Variants in ADGRV1 observed in about 807,000 individuals in gnomAD.
ADGRV1 encodes adhesion G protein-coupled receptor V1, also known as G-protein coupled receptor 98.
Under a neutral mutation model 596.2 loss-of-function variants are expected in ADGRV1, and 359 were observed. The observed-to-expected ratio is 0.60, with a 90% CI of 0.55 to 0.66. ADGRV1 has a LOEUF of 0.66. Ranked by LOEUF, ADGRV1 falls within the 30% of genes least tolerant of loss-of-function variation. The pLI is 0.00. For synonymous variants in ADGRV1, 2,681 were observed against 2,679.2 expected, an observed-to-expected ratio of 1.00 and a Z score of -0.02; for missense variants, 7,274 against 7,575.6, an observed-to-expected ratio of 0.96 and a Z score of 1.48.
At chr5:90,868,597 A>T (rs780063970) in intron 83 of ADGRV1, among the ~76,000 whole-genome samples, 3 of 151,686 alleles carry the variant, frequency 2.0e-5, no homozygotes, top group Non-Finnish European at 4.4e-5. Context: ...CTTTTCTACC[A>T]AGATCCTGTA....
intron 1 of ADGRV1, among the ~76,000 whole-genome samples, chr5:90,594,668 T>C (rs250371): frequency 0.18 from 26,799 of 148,244 alleles, 2,581 homozygotes; most frequent in East Asian, 0.4. Flanking sequence ...TACTTGAGAT[T>C]AGGGAGTGGT....
At chr5:90,758,561 CA>C (rs1328095906) in intron 57 of ADGRV1, among the ~76,000 whole-genome samples, 2 of 152,122 alleles carry the variant, frequency 1.3e-5, no homozygotes, top group East Asian at 1.9e-4. Context: ...TTCTACAGCA[CA>C]GATTTGAGGT....
In ADGRV1 at chr5:90,932,917, T is replaced by C. The variant is rs542917105; in HGVS notation, c.17857-32498T>C. Among the ~76,000 whole-genome samples the C allele has an allele frequency of 1.1e-4, 17 of 152,286 alleles. No homozygotes were observed. In the South Asian group the frequency reaches 1.5e-3, roughly 13 times the overall value. ...TTGCTCAGTGGCATGTGAAAGTCAC[T>C]CTCATCACACATTGTGCTGGTCACA... On this transcript the variant is annotated intron_variant, in intron 83 of 89. Transcript: ENST00000405460.
intron 74 of ADGRV1, 23 bp downstream of exon 74, chr5:90,811,361 A>G (rs1486187770): frequency 6.5e-7 from 1 of 1,538,352 alleles, no homozygotes; most frequent in Non-Finnish European, 8.7e-7. Context: ...AATGATGGAG[A>G]TAAAAATATA....
chr5:90,676,718 T>A (rs957607954), intron 25 of ADGRV1: 4 of 153,210 alleles, frequency 2.6e-5, no homozygotes, highest in African/African-American at 9.6e-5. Context: ...CATGGTAGGT[T>A]CCCCTAAGGT....
chr5:90,964,989 TC>T (rs1358226079), intron 83 of ADGRV1, among the ~76,000 whole-genome samples: 2 of 152,188 alleles, frequency 1.3e-5, no homozygotes, highest in Admixed American at 1.3e-4. Flanking sequence ...CTATGTTACT[TC>T]CTGGCAAGAG....
chr5:90,894,686 C>A (rs1476320255), intron 83 of ADGRV1, among the ~76,000 whole-genome samples: 1 of 152,178 alleles, frequency 6.6e-6, no homozygotes, highest in African/African-American at 2.4e-5. Context: ...CAGATTCACT[C>A]AAGCACGAAC....
intron 31 of ADGRV1, among the ~76,000 whole-genome samples, chr5:90,691,492 C>T (rs1400339616): frequency 6.8e-6 from 1 of 147,808 alleles, no homozygotes; most frequent in African/African-American, 2.5e-5. Flanking sequence ...TTAAGGGATT[C>T]TCCTGCCTCA....
intron 87 of ADGRV1, among the ~76,000 whole-genome samples, chr5:91,116,707 G>T (rs558804727): frequency 9.2e-5 from 14 of 152,270 alleles, no homozygotes; most frequent in Admixed American, 9.2e-4. Flanking sequence ...CATAAAATCT[G>T]CCTGTTATAT....
intron 59 of ADGRV1, among the ~76,000 whole-genome samples, chr5:90,765,468 C>G (rs899894029): frequency 6.8e-6 from 1 of 146,976 alleles, no homozygotes; most frequent in African/African-American, 2.6e-5. Flanking sequence ...CACACACACA[C>G]ACAAACTCTA....
rs1781426524 is a variant in ADGRV1, at chr5:90,996,458, G to A, written c.18152+10936G>A. The stretch of plus-strand genomic sequence containing the variant: ...CACAGAGTACAAGAGTTGAAGCCTG[G>A]GAGACTCCAACTAGATTTCAGAGGA... On this transcript the variant is annotated intron_variant, in intron 85 of 89. Transcript: ENST00000405460. 4.6e-5 allele frequency among the ~76,000 whole-genome samples: 7 copies of A among 152,272 alleles called. No individual in the cohort carries two copies. The South Asian group carries it at 1.2e-3, about 27-fold the overall frequency.
intron 87 of ADGRV1, among the ~76,000 whole-genome samples, chr5:91,133,711 A>G (rs1794400216): frequency 2.0e-5 from 3 of 152,204 alleles, no homozygotes; most frequent in Admixed American, 6.5e-5. Flanking sequence ...TTCCTCTTTC[A>G]TGTGCTGGTT....
intron 8 of ADGRV1, 91 bp downstream of exon 8, chr5:90,628,923 G>C (rs1427040248): frequency 1.7e-6 from 2 of 1,176,250 alleles, no homozygotes; most frequent in African/African-American, 3.1e-5. Context: ...TTTATGTTTA[G>C]TTTGAAGGGA....
At chr5:90,826,391 C>T (rs1001946320) in intron 76 of ADGRV1, among the ~76,000 whole-genome samples, 2 of 152,176 alleles carry the variant, frequency 1.3e-5, no homozygotes, top group African/African-American at 4.8e-5. Context: ...CTTGGAGTCA[C>T]TGGAGTCAGT....
At chr5:90,701,945 C>G (rs1357926354) in intron 34 of ADGRV1, among the ~76,000 whole-genome samples, 2 of 150,586 alleles carry the variant, frequency 1.3e-5, no homozygotes, top group African/African-American at 4.9e-5. Context: ...CACTTTAGTA[C>G]TTCATTAAAC....
intron 85 of ADGRV1, among the ~76,000 whole-genome samples, chr5:90,999,975 T>C (rs1781727020): frequency 6.6e-6 from 1 of 152,166 alleles, no homozygotes. Context: ...AGGATCTGCC[T>C]ACTCTTTCTT....
intron 86 of ADGRV1, among the ~76,000 whole-genome samples, chr5:91,086,015 C>T (rs756496270): frequency 5.9e-5 from 9 of 152,148 alleles, no homozygotes; most frequent in Non-Finnish European, 1.3e-4. Context: ...GCATATCCTT[C>T]AATTCTTCTG....
chr5:90,705,303 C>A, intron 36 of ADGRV1, 97 bp from the exon 37 acceptor site: 1 of 1,003,994 alleles, frequency 1.0e-6, no homozygotes, highest in Non-Finnish European at 1.5e-6. Flanking sequence ...AAATAGAACA[C>A]TTTTGATTAC....
chr5:90,776,492 CAGG>C lies in ADGRV1; in HGVS notation c.12446_12448del (p.Gly4149del). The C allele has an allele frequency of 6.2e-7, 1 of 1,613,246 alleles. No individual in the cohort carries two copies. Among genetic ancestry groups the C allele is most frequent in the Non-Finnish European group, 8.5e-7 (1 of 1,179,432 alleles). ...ATTATTCGGGGTGATAAGCGAGCAT[CAGG>C]AGAAGTTGGGATAGCTCCGTCATCT... On this transcript the variant is annotated inframe_deletion, in exon 61 of 90. Transcript: ENST00000405460.
Sources: allele counts gnomAD v4.1 joint callset (sites outside exome capture counted in the v4.1 genomes callset), GRCh38; gene constraint gnomAD v4.1.1; transcripts MANE v1.5; gene names NCBI Gene and HGNC (gene_info 2026-07-23, HGNC 2026-07-21).